HPS5: variants seen among roughly 807,000 people sequenced by gnomAD.
The protein encoded by HPS5 is HPS5 biogenesis of lysosomal organelles complex 2 subunit 2.
A neutral mutation model predicts 128.0 loss-of-function variants in HPS5; 83 were observed. The observed-to-expected ratio is 0.65, with a 90% CI of 0.54 to 0.78. The LOEUF (loss-of-function observed/expected upper bound fraction) is 0.78, where lower values mean the gene tolerates loss of function less well. Ranked by LOEUF, HPS5 falls within the 30% of genes least tolerant of loss-of-function variation. The pLI, the probability that HPS5 is intolerant of heterozygous loss-of-function variation, is 0.00. For synonymous variants in HPS5, 475 were observed against 470.2 expected (o/e 1.01, Z -0.13); for missense variants, 1,281 against 1,326.2 (o/e 0.97, Z 0.53).
At chr11:18,300,714 A>ATTC in intron 9 of HPS5, 114 bp downstream of exon 9, 1 of 580,014 alleles carries the variant, frequency 1.7e-6, no homozygotes, top group East Asian at 3.1e-5. Context: ...AAAAAAAAAA[A>ATTC]AAAAAAGTCA....
chr11:18,310,118 G>A (rs79196173), intron 5 of HPS5, among the ~76,000 whole-genome samples: 4,016 of 152,300 alleles, frequency 0.026, 81 homozygotes, highest in African/African-American at 0.051. Flanking sequence ...TGTAATGGTC[G>A]TGGAGGAGCA....
At chr11:18,302,250 T>G (rs1353163966) in intron 8 of HPS5, among the ~76,000 whole-genome samples, 1 of 152,172 alleles carries the variant, frequency 6.6e-6, no homozygotes, top group African/African-American at 2.4e-5. Flanking sequence ...TTATCTCATA[T>G]ATTTCATTTA....
At chr11:18,293,655 A>G (rs551330476) in intron 14 of HPS5, among the ~76,000 whole-genome samples, 1 of 152,222 alleles carries the variant, frequency 6.6e-6, no homozygotes, top group Non-Finnish European at 1.5e-5. Flanking sequence ...GCAGCTCTTT[A>G]AAACAGCATT....
intron 22 of HPS5, among the ~76,000 whole-genome samples, chr11:18,280,910 GGT>G (rs2134194590): frequency 6.8e-6 from 1 of 147,346 alleles, no homozygotes; most frequent in South Asian, 2.2e-4. Flanking sequence ...CTGTTTAATG[GGT>G]GTGGAGTTTC....
intron 7 of HPS5, 81 bp downstream of exon 7, chr11:18,306,054 C>A: frequency 9.5e-7 from 1 of 1,049,028 alleles, no homozygotes; most frequent in Non-Finnish European, 1.5e-6. Flanking sequence ...ATCTTTAACA[C>A]AGATAGAATA....
At chr11:18,319,104 G>C (rs1166187128) in intron 1 of HPS5, among the ~76,000 whole-genome samples, 4 of 151,572 alleles carry the variant, frequency 2.6e-5, no homozygotes, top group African/African-American at 9.7e-5. Flanking sequence ...AAATATTTGA[G>C]AATTATTGAC....
intron 11 of HPS5, 83 bp downstream of exon 11, chr11:18,297,476 T>G: frequency 9.9e-6 from 13 of 1,307,174 alleles, no homozygotes; most frequent in African/African-American, 5.9e-5. Context: ...GACAACAAAT[T>G]TGGGGATCCT....
At chr11:18,283,104 C>T (rs1859234003) in intron 21 of HPS5, among the ~76,000 whole-genome samples, 1 of 152,110 alleles carries the variant, frequency 6.6e-6, no homozygotes, top group African/African-American at 2.4e-5. Context: ...CAGGTTCAAG[C>T]AATTCTCCTG....
intron 6 of HPS5, among the ~76,000 whole-genome samples, chr11:18,307,406 C>T (rs1037575623): frequency 2.0e-5 from 3 of 152,090 alleles, no homozygotes; most frequent in African/African-American, 4.8e-5. Context: ...GTATACAGAG[C>T]TGTACAGGAA....
At chr11:18,294,905 T>C in intron 14 of HPS5, 115 bp downstream of exon 14, 1 of 1,078,880 alleles carries the variant, frequency 9.3e-7, no homozygotes, top group Non-Finnish European at 1.4e-6. Flanking sequence ...TTCAAAGCCG[T>C]CCTGGAACAC....
chr11:18,297,277 C>T (rs1382409258), intron 11 of HPS5, among the ~76,000 whole-genome samples: 1 of 152,116 alleles, frequency 6.6e-6, no homozygotes, highest in Non-Finnish European at 1.5e-5. Context: ...GCATGAAGCA[C>T]CTAAAATCAC....
Position 18,311,963 on chromosome 11 carries a change from T to C in HPS5, c.170A>G (p.His57Arg). ...LALGSSGGGLHLIQKEGWKHR... is the reference protein window; with the variant it reads ...LALGSSGGGLRLIQKEGWKHR... ...CTTCCAGCCTTCTTTCTGAATGAGA[T>C]GGAGTCCTCCTCCTGAACTGCCCAA... is the stretch of plus-strand genomic sequence containing the variant. Residue 57 changes from histidine (H) to arginine (R), a missense_variant, in exon 3 of 23, where the codon CAT becomes CGT. By Grantham distance (29) the His-to-Arg change is conservative. Coordinates refer to ENST00000349215, the MANE Select transcript of HPS5 (RefSeq NM_181507.2). 1 of 1,614,150 alleles carries C rather than the reference T, an allele frequency of 6.2e-7. No individual in the cohort carries two copies. Among genetic ancestry groups the C allele is most frequent in the South Asian group, 1.1e-5 (1 of 91,090 alleles).
intron 4 of HPS5, 87 bp downstream of exon 4, chr11:18,311,300 C>T (rs1423906796): frequency 1.0e-6 from 1 of 974,218 alleles, no homozygotes; most frequent in Non-Finnish European, 1.6e-6. Flanking sequence ...CCTAGGCAAA[C>T]CAGGATGGTT....
chr11:18,291,921 T>C lies in HPS5; in HGVS notation c.1961A>G (p.Lys654Arg). 6.2e-7 allele frequency: 1 copy of C among 1,609,692 alleles called. No individual in the cohort carries two copies. Among genetic ancestry groups the C allele is most frequent in the Non-Finnish European group, 8.5e-7 (1 of 1,178,626 alleles). ...LSHLEKTFAM[K>R]DFSGVSDTDN... is the part of the protein sequence containing the mutation. The stretch of plus-strand genomic sequence containing the variant: ...AGTATCTGAAACACCTGAAAAGTCC[T>C]TCATGGCAAATGTTTTTTCTAAATG... The change falls in exon 16 of 23, where the codon AAG (lysine) becomes AGG (arginine). Residue 654 changes from lysine (K) to arginine (R), a missense_variant. Coordinates refer to ENST00000349215, the MANE Select transcript of HPS5 (RefSeq NM_181507.2).
At chr11:18,319,556 A>T (rs1409415833) in intron 1 of HPS5, among the ~76,000 whole-genome samples, 1 of 152,208 alleles carries the variant, frequency 6.6e-6, no homozygotes, top group Non-Finnish European at 1.5e-5. Flanking sequence ...CGGAATAATG[A>T]AAGATAAAGC....
At chr11:18,293,833 T>C (rs1231176162) in intron 14 of HPS5, among the ~76,000 whole-genome samples, 4 of 152,202 alleles carry the variant, frequency 2.6e-5, no homozygotes, top group African/African-American at 9.7e-5. Context: ...AGTTCTCCGA[T>C]AGGAGTGAAA....
intron 3 of HPS5, 53 bp downstream of exon 3, chr11:18,311,861 C>T: frequency 8.5e-7 from 1 of 1,173,950 alleles, no homozygotes; most frequent in South Asian, 1.2e-5. Context: ...GAGAAATTTG[C>T]ATTTATGAAA....
chr11:18,320,311 G>C (rs1329048085), intron 1 of HPS5, among the ~76,000 whole-genome samples: 1 of 152,058 alleles, frequency 6.6e-6, no homozygotes, highest in African/African-American at 2.4e-5. Flanking sequence ...CTACTTCCTA[G>C]AATTCTCAAG....
At chr11:18,290,033 T>C (rs1329307739) in intron 16 of HPS5, among the ~76,000 whole-genome samples, 1 of 152,220 alleles carries the variant, frequency 6.6e-6, no homozygotes, top group Non-Finnish European at 1.5e-5. Context: ...CAGTTAGTTG[T>C]GGCTATATGA....
Sources: allele counts gnomAD v4.1 joint callset (sites outside exome capture counted in the v4.1 genomes callset), GRCh38; gene constraint gnomAD v4.1.1; transcripts MANE v1.5; gene names NCBI Gene and HGNC (gene_info 2026-07-23, HGNC 2026-07-21).